The following NRXN3 variants were observed in gnomAD, a reference collection of about 807,000 sequenced individuals.
The protein encoded by NRXN3 is neurexin III.
A neutral mutation model predicts 137.6 loss-of-function variants in NRXN3; 32 were observed. That is an observed-to-expected ratio of 0.23 (90% confidence interval 0.18 to 0.31). NRXN3 has a LOEUF of 0.31. NRXN3 is among the 10% of genes least tolerant of loss of function. NRXN3 has a pLI of 1.00. For missense variants in NRXN3, 1,574 were observed against 2,062.5 expected, an observed-to-expected ratio of 0.76 and a Z score of 4.59; for synonymous variants, 798 against 784.5, an observed-to-expected ratio of 1.02 and a Z score of -0.29.
At chr14:78,624,043 T>C (rs991352217) in intron 4 of NRXN3, among the ~76,000 whole-genome samples, 2 of 152,234 alleles carry the variant, frequency 1.3e-5, no homozygotes, top group African/African-American at 4.8e-5. Flanking sequence ...ACATGATGAC[T>C]TGATTAGCGT....
At chr14:79,208,148 C>T (rs2067071476) in intron 15 of NRXN3, among the ~76,000 whole-genome samples, 1 of 152,150 alleles carries the variant, frequency 6.6e-6, no homozygotes, top group Non-Finnish European at 1.5e-5. Flanking sequence ...AGTAATTAGA[C>T]TGTGTAGCTC....
chr14:79,185,708 G>A (rs903460042), intron 15 of NRXN3, among the ~76,000 whole-genome samples: 46 of 152,032 alleles, frequency 3.0e-4, no homozygotes, highest in Admixed American at 9.2e-4. Context: ...CTCGTGATCC[G>A]CCCACCTTGG....
chr14:78,220,105 G>A (rs2063692548), intron 1 of NRXN3, among the ~76,000 whole-genome samples: 1 of 152,140 alleles, frequency 6.6e-6, no homozygotes, highest in Non-Finnish European at 1.5e-5. Context: ...CTGAGTGGAT[G>A]AGAATACTAA....
chr14:78,542,957 T>G (rs2096605246), intron 4 of NRXN3, among the ~76,000 whole-genome samples: 1 of 152,034 alleles, frequency 6.6e-6, no homozygotes, highest in African/African-American at 2.4e-5. Context: ...ACAGGGTGGG[T>G]AGGAGAGGAT....
chr14:79,025,146 A>G (rs2099595939), intron 15 of NRXN3, among the ~76,000 whole-genome samples: 1 of 152,050 alleles, frequency 6.6e-6, no homozygotes, highest in African/African-American at 2.4e-5. Flanking sequence ...ATGTCCTGAT[A>G]TTCTATTCAT....
chr14:78,990,257 T>G (rs2099515831), intron 15 of NRXN3, among the ~76,000 whole-genome samples: 1 of 152,056 alleles, frequency 6.6e-6, no homozygotes, highest in South Asian at 2.1e-4. Context: ...GGAAACTGCC[T>G]CTCTAACAGG....
chr14:78,737,081 T>C (rs2098544349), intron 8 of NRXN3, among the ~76,000 whole-genome samples: 1 of 152,206 alleles, frequency 6.6e-6, no homozygotes. Flanking sequence ...GCCTCACACA[T>C]TTGTGATATT....
At chr14:78,845,908 GTGT>G (rs2099025515) in intron 10 of NRXN3, among the ~76,000 whole-genome samples, 1 of 117,594 alleles carries the variant, frequency 8.5e-6, no homozygotes, top group Non-Finnish European at 1.8e-5. Flanking sequence ...ATGTTGGGGT[GTGT>G]GTGTGTGTGT....
intron 15 of NRXN3, among the ~76,000 whole-genome samples, chr14:79,431,534 C>G (rs1451152142): frequency 6.6e-6 from 1 of 152,034 alleles, no homozygotes; most frequent in Non-Finnish European, 1.5e-5. Context: ...TAAGTAATAA[C>G]AGATGATGGA....
chr14:79,118,363 T>C (rs2152913350), intron 15 of NRXN3, among the ~76,000 whole-genome samples: 1 of 152,348 alleles, frequency 6.6e-6, no homozygotes, highest in African/African-American at 2.4e-5. Context: ...AAACTTCCTG[T>C]ATAGAATGGA....
At chr14:78,919,689 ATGT>A (rs545115940) in intron 10 of NRXN3, among the ~76,000 whole-genome samples, 31 of 152,334 alleles carry the variant, frequency 2.0e-4, no homozygotes, top group African/African-American at 7.0e-4. Flanking sequence ...CAAATTGAAG[ATGT>A]TAAGTGACTT....
chr14:79,495,967 C>CA (rs1176156679), intron 16 of NRXN3, among the ~76,000 whole-genome samples: 2 of 147,768 alleles, frequency 1.4e-5, no homozygotes, highest in African/African-American at 5.0e-5. Flanking sequence ...AAACAAAAAA[C>CA]AAAAAAACAA....
At chr14:78,977,199 G>C (rs1048402828) in intron 14 of NRXN3, among the ~76,000 whole-genome samples, 8 of 152,082 alleles carry the variant, frequency 5.3e-5, no homozygotes, top group African/African-American at 1.9e-4. Context: ...TGTGAGTCTG[G>C]GTTTGCTTAT....
At chr14:79,335,491 A>G (rs1360692179) in intron 15 of NRXN3, among the ~76,000 whole-genome samples, 1 of 149,238 alleles carries the variant, frequency 6.7e-6, no homozygotes, top group Non-Finnish European at 1.5e-5. Flanking sequence ...CTCTATTAAC[A>G]GAGAAAGTTT....
At chr14:79,717,423 C>T (rs561657129) in intron 19 of NRXN3, among the ~76,000 whole-genome samples, 116 of 152,276 alleles carry the variant, frequency 7.6e-4, no homozygotes, top group African/African-American at 2.7e-3. Context: ...ACTCAAACCT[C>T]GATGTGTCTT....
At chr14:79,267,045 G>T (rs924552132) in intron 15 of NRXN3, among the ~76,000 whole-genome samples, 1 of 152,118 alleles carries the variant, frequency 6.6e-6, no homozygotes, top group African/African-American at 2.4e-5. Context: ...GCACAGGAGG[G>T]CACAAAAGAT....
At chr14:78,345,953 T>A (rs1249362894) in intron 4 of NRXN3, among the ~76,000 whole-genome samples, 2 of 152,142 alleles carry the variant, frequency 1.3e-5, no homozygotes, top group African/African-American at 4.8e-5. Context: ...CTGGGGCAGA[T>A]GTGTCAGGGA....
chr14:79,495,818 G>C (rs948801110), intron 16 of NRXN3, among the ~76,000 whole-genome samples: 14 of 151,832 alleles, frequency 9.2e-5, no homozygotes, highest in African/African-American at 3.4e-4. Flanking sequence ...CCTTTACAAT[G>C]ATGGTGTTAT....
At chr14:78,901,819 T>A (rs1046145137) in intron 10 of NRXN3, among the ~76,000 whole-genome samples, 3 of 152,024 alleles carry the variant, frequency 2.0e-5, no homozygotes, top group Admixed American at 1.3e-4. Context: ...TCCAGTTAAT[T>A]TCTGAATCCT....
Sources: gnomAD v4.1 joint callset for allele counts (sites outside exome capture counted in the v4.1 genomes callset) on GRCh38, gnomAD v4.1.1 for gene constraint, MANE v1.5 for transcripts, NCBI Gene and HGNC (gene_info 2026-07-23, HGNC 2026-07-21) for gene names.